The following PCDHGA4 variants were observed in gnomAD, a reference collection of about 807,000 sequenced individuals.
The protein encoded by PCDHGA4 is protocadherin gamma subfamily A, 4, also known as protocadherin gamma-A4.
Under a neutral mutation model 54.6 loss-of-function variants are expected in PCDHGA4, and 38 were observed. That is an observed-to-expected ratio of 0.70 (90% CI 0.54 to 0.91). PCDHGA4 has a LOEUF of 0.91. PCDHGA4 is among the 40% of genes least tolerant of loss of function. The pLI, the probability that PCDHGA4 is intolerant of heterozygous loss-of-function variation, is 0.00. For missense variants in PCDHGA4, 1,298 were observed against 1,220.9 expected, an observed-to-expected ratio of 1.06 and a Z score of -0.94; for synonymous variants, 511 against 512.9, an observed-to-expected ratio of 1.00 and a Z score of 0.05.
chr5:141,470,837 G>A (rs932315417), intron 1 of PCDHGA4, among the ~76,000 whole-genome samples: 4 of 151,948 alleles, frequency 2.6e-5, no homozygotes, highest in Non-Finnish European at 4.4e-5. Flanking sequence ...ACAAACACAC[G>A]CCACCATGCT....
intron 1 of PCDHGA4, among the ~76,000 whole-genome samples, chr5:141,358,974 C>A (rs1440988356): frequency 1.3e-5 from 2 of 152,270 alleles, no homozygotes; most frequent in African/African-American, 2.4e-5. Flanking sequence ...TGTGAGAATT[C>A]AAAATTCATG....
rs758172625 is a variant in PCDHGA4 at position 141,365,486 on chromosome 5, A to G, written c.2514+7865A>G. The G allele has an allele frequency of 3.7e-6, 6 of 1,613,992 alleles. No individual in the cohort carries two copies. The East Asian group carries it at 8.9e-5, about 24-fold the overall frequency. On this transcript the variant is annotated intron_variant, in intron 1 of 3. Coordinates refer to ENST00000571252, the MANE Select transcript of PCDHGA4 (RefSeq NM_018917.4). ...AGAAAATGGTGAGATTGCATGCTCT[A>G]TTCCTAGGAATTTGCCTTTTAAATT...
Position 141,432,581 on chromosome 5 carries a change from C to T in PCDHGA4, c.2515-62226C>T. 6.2e-7 allele frequency: 1 copy of T among 1,613,930 alleles called. No homozygotes were observed. The highest frequency in any genetic ancestry group is 8.5e-7 in the Non-Finnish European group (1 of 1,179,974). On this transcript the variant is annotated intron_variant, in intron 1 of 3. Coordinates refer to ENST00000571252, the MANE Select transcript of PCDHGA4 (RefSeq NM_018917.4). The surrounding 1 kb of genome is among the most constrained non-coding windows in gnomAD (Gnocchi z 6.0). ...CCAGAACGCCTGGCTGTCCTACCGT[C>T]TGCTCAAGGCCAGCGAGCCGGGACT...
intron 1 of PCDHGA4, chr5:141,398,604 T>A: frequency 6.2e-7 from 1 of 1,614,048 alleles, no homozygotes; most frequent in Non-Finnish European, 8.5e-7. Flanking sequence ...TAGCAGAAGA[T>A]GCAGATATTG....
Position 141,371,259 on chromosome 5 carries a change from A to T in PCDHGA4, c.2514+13638A>T, listed in dbSNP as rs767414793. 5 of 1,613,926 alleles carry T rather than the reference A, an allele frequency of 3.1e-6. No individual in the cohort carries two copies. In the African/African-American group the frequency reaches 6.7e-5, roughly 22 times the overall value. ...CTTCATCAATATTGGCAAGGAAGTG[A>T]GACAACTGTTCAAGCTGGACAGTAA... On this transcript the variant is annotated intron_variant, in intron 1 of 3. Transcript: ENST00000571252.
At chr5:141,430,612 G>A (rs1406353008) in intron 1 of PCDHGA4, 2 of 680,678 alleles carry the variant, frequency 2.9e-6, no homozygotes, top group African/African-American at 3.7e-5. Flanking sequence ...GCACAAAGCA[G>A]ATAGCTAGGA....
rs778294045 is a variant in PCDHGA4 at position 141,399,841 on chromosome 5, G to A, written c.2514+42220G>A. 2 of 1,612,968 alleles carry A rather than the reference G, an allele frequency of 1.2e-6. No homozygotes were observed. Among genetic ancestry groups the A allele is most frequent in the African/African-American group, 1.3e-5 (1 of 74,926 alleles). ...GGGTCCCGACGGCTCTGCGCTCTTC[G>A]ATATGGTGCCGCGCGCTGCAGAGCC... On this transcript the variant is annotated intron_variant, in intron 1 of 3. Transcript: ENST00000571252.
intron 1 of PCDHGA4, chr5:141,394,322 G>C (rs1438978424): frequency 1.9e-6 from 3 of 1,613,842 alleles, no homozygotes; most frequent in Non-Finnish European, 2.5e-6. Context: ...CCCTGTCCTC[G>C]TATATCTCCA....
chr5:141,365,693 G>A, intron 1 of PCDHGA4: 1 of 1,613,364 alleles, frequency 6.2e-7, no homozygotes, highest in South Asian at 1.1e-5. Flanking sequence ...TTTCCCTCAA[G>A]CCTCCTACTC....
At chr5:141,371,589 A>G in intron 1 of PCDHGA4, 1 of 1,613,602 alleles carries the variant, frequency 6.2e-7, no homozygotes, top group Non-Finnish European at 8.5e-7. Flanking sequence ...TCAAGATACC[A>G]AAAACACATA....
chr5:141,483,872 T>A (rs1373802168), intron 1 of PCDHGA4, among the ~76,000 whole-genome samples: 1 of 152,080 alleles, frequency 6.6e-6, no homozygotes, highest in African/African-American at 2.4e-5. Context: ...CAGATCAGGA[T>A]GGATTTTTCT....
intron 1 of PCDHGA4, chr5:141,398,495 T>G: frequency 1.2e-6 from 2 of 1,610,214 alleles, no homozygotes; most frequent in Non-Finnish European, 1.7e-6. Context: ...AATGTGGAGA[T>G]CGAGGACATT....
intron 1 of PCDHGA4, among the ~76,000 whole-genome samples, chr5:141,444,225 G>A (rs1307884592): frequency 8.0e-6 from 1 of 125,604 alleles, no homozygotes; most frequent in African/African-American, 3.1e-5. Context: ...AGGCTGGAGT[G>A]CAATGGCATG....
chr5:141,494,306 T>G (rs1432951954), intron 1 of PCDHGA4, among the ~76,000 whole-genome samples: 1 of 152,212 alleles, frequency 6.6e-6, no homozygotes, highest in Non-Finnish European at 1.5e-5. Flanking sequence ...AATGTGTCAC[T>G]GCACAACCTG....
In PCDHGA4 at chr5:141,431,048, A is replaced by T; in HGVS notation, c.2515-63759A>T. On this transcript the variant is annotated intron_variant, in intron 1 of 3. Transcript: ENST00000571252. This position sits in a 1 kb window ranked among gnomAD's most constrained non-coding sequence, Gnocchi z 4.8. ...CAGGATAGACCGGGAGGAGCTCTGT[A>T]TGGGGGCCATCAAGTGTCAATTAAA... 6.2e-7 allele frequency: 1 copy of T among 1,614,180 alleles called. No homozygotes were observed. The highest frequency in any genetic ancestry group is 1.1e-5 in the South Asian group (1 of 91,088).
At position 141,389,059 on chromosome 5, in the gene PCDHGA4, T is replaced by C. The variant is rs773183818; in HGVS notation, c.2514+31438T>C. The stretch of plus-strand genomic sequence containing the variant: ...TTGGAAGGTGATGTTCCATTTAAAA[T>C]ATTAACTTCTTCAAGAAACACGTAT... On this transcript the variant is annotated intron_variant, in intron 1 of 3. Transcript: ENST00000571252. 4 of 1,613,988 alleles carry C rather than the reference T, an allele frequency of 2.5e-6. No individual in the cohort carries two copies. In the South Asian group the frequency reaches 4.4e-5, roughly 18 times the overall value.
At chr5:141,410,337 C>T (rs1196366344) in intron 1 of PCDHGA4, 1 of 1,613,930 alleles carries the variant, frequency 6.2e-7, no homozygotes, top group Non-Finnish European at 8.5e-7. Context: ...CTGGCCATTG[C>T]CTTGCGCCTG....
At chr5:141,400,089 C>T (rs200160561) in intron 1 of PCDHGA4, 568 of 1,613,960 alleles carry the variant, frequency 3.5e-4, no homozygotes, top group Non-Finnish European at 4.6e-4. Flanking sequence ...CCGCCACCGC[C>T]ACGCTGCACT....
intron 1 of PCDHGA4, among the ~76,000 whole-genome samples, chr5:141,455,576 G>T (rs752051075): frequency 1.3e-5 from 2 of 152,154 alleles, no homozygotes; most frequent in Non-Finnish European, 2.9e-5. Flanking sequence ...TCCCACCCCA[G>T]CCTTTTAATA....
Sources: allele counts gnomAD v4.1 joint callset (sites outside exome capture counted in the v4.1 genomes callset), GRCh38; gene constraint gnomAD v4.1.1; non-coding constraint Gnocchi (gnomAD v3.1); transcripts MANE v1.5; gene names NCBI Gene and HGNC (gene_info 2026-07-23, HGNC 2026-07-21).